Variants in NPM1 observed in about 807,000 individuals in gnomAD.
NPM1 encodes the protein nucleophosmin 1.
Under a neutral mutation model 44.1 loss-of-function variants are expected in NPM1, and 1 was observed. That is an observed-to-expected ratio of 0.02 (90% CI 0.01 to 0.11). The LOEUF (loss-of-function observed/expected upper bound fraction) is 0.11. NPM1 is among the 10% of genes least tolerant of loss of function. The probability of loss-of-function intolerance (pLI) is 1.00; values close to 1 mark genes in which losing one functional copy is unlikely to be tolerated. For synonymous variants in NPM1, 126 were observed against 111.8 expected, an observed-to-expected ratio of 1.13 and a Z score of -0.80; for missense variants, 197 against 347.8, an observed-to-expected ratio of 0.57 and a Z score of 3.45.
At chr5:171,394,991 CA>C (rs1770806509) in intron 6 of NPM1, among the ~76,000 whole-genome samples, 1 of 152,024 alleles carries the variant, frequency 6.6e-6, no homozygotes, top group African/African-American at 2.4e-5. Context: ...CCAGCCTGGC[CA>C]ACATGGTGAA....
intron 10 of NPM1, among the ~76,000 whole-genome samples, chr5:171,410,078 G>A (rs1228441791): frequency 6.6e-6 from 1 of 152,244 alleles, no homozygotes; most frequent in Admixed American, 6.5e-5. Context: ...TTACAGGCGT[G>A]AGCCACCATG....
At position 171,400,357 on chromosome 5, in the gene NPM1, C is replaced by T. The variant is rs1034136865; in HGVS notation, c.582+147C>T. Reference sequence around the variant, plus strand: ...TAGTCCTGAGGAGGATTACAGAAAACTTAAGAGTGGGGAATGGTCTGTTTT... The same window carrying T: ...TAGTCCTGAGGAGGATTACAGAAAATTTAAGAGTGGGGAATGGTCTGTTTT... On this transcript the variant is annotated intron_variant, in intron 7 of 10. Transcript: ENST00000296930. 5.6e-6 allele frequency: 5 copies of T among 898,738 alleles called. No individual in the cohort carries two copies. In the Admixed American group the frequency reaches 8.0e-5, roughly 14 times the overall value. The allele number at this position is 898,738 out of a possible 1,614,324, so 55.7% of individuals were successfully genotyped here. A position where few individuals can be genotyped will look rare whatever the true frequency, so the allele number is the denominator to read the frequency against.
At chr5:171,397,302 T>G (rs1049876520) in intron 6 of NPM1, among the ~76,000 whole-genome samples, 2 of 152,218 alleles carry the variant, frequency 1.3e-5, no homozygotes, top group African/African-American at 2.4e-5. Context: ...AGCATTTGAG[T>G]TGCTTCTACT....
chr5:171,390,566 G>A (rs1056404483), intron 2 of NPM1, among the ~76,000 whole-genome samples: 8 of 152,132 alleles, frequency 5.3e-5, no homozygotes, highest in Non-Finnish European at 1.2e-4. Flanking sequence ...GGACAACATT[G>A]CACAAATTTG....
intron 3 of NPM1, 123 bp from the exon 4 acceptor site, chr5:171,391,583 C>G: frequency 8.8e-7 from 1 of 1,131,842 alleles, no homozygotes. Context: ...GCTTCTGCTG[C>G]TACTTTTATC....
chr5:171,399,999 A>ATT (rs1428839072), intron 6 of NPM1, among the ~76,000 whole-genome samples, 154 bp from the exon 7 acceptor site: 2 of 152,220 alleles, frequency 1.3e-5, no homozygotes, highest in African/African-American at 4.8e-5. Context: ...TCATTTAGTC[A>ATT]TTTAACACTT....
chr5:171,395,804 A>G (rs189034537), intron 6 of NPM1, among the ~76,000 whole-genome samples: 7 of 152,312 alleles, frequency 4.6e-5, no homozygotes, highest in Non-Finnish European at 7.4e-5. Flanking sequence ...TGGAATGGGT[A>G]TATGGTGTGG....
intron 6 of NPM1, among the ~76,000 whole-genome samples, chr5:171,394,870 T>A (rs946102946): frequency 1.9e-4 from 29 of 152,082 alleles, no homozygotes; most frequent in Non-Finnish European, 4.0e-4. Context: ...TTTGGAAGAT[T>A]TCCTTTTTTA....
intron 10 of NPM1, among the ~76,000 whole-genome samples, chr5:171,409,250 T>C (rs1190823843): frequency 2.6e-5 from 4 of 152,214 alleles, no homozygotes; most frequent in Non-Finnish European, 4.4e-5. Flanking sequence ...CTTCCTGTTT[T>C]TGACATAGAG....
intron 8 of NPM1, among the ~76,000 whole-genome samples, chr5:171,402,909 A>G (rs558989474): frequency 1.5e-4 from 22 of 145,420 alleles, no homozygotes; most frequent in African/African-American, 5.4e-4. Context: ...CTGTAAGTCA[A>G]TTAAACCTCT....
intron 7 of NPM1, 100 bp downstream of exon 7, chr5:171,400,310 G>A: frequency 2.0e-6 from 3 of 1,468,012 alleles, no homozygotes; most frequent in Non-Finnish European, 2.8e-6. Flanking sequence ...GCTGGTGTGG[G>A]AGATCATCTC....
chr5:171,391,706 G>A lies in NPM1; in HGVS notation c.259G>A (p.Val87Ile). The change falls in exon 4 of 11, where the codon GTT becomes ATT. Residue 87 changes from valine (V) to isoleucine (I), a missense_variant and splice_region_variant. Transcript: ENST00000296930. ...ATLKMSVQPTVSLGGFEITPP... is the reference protein window; with the variant it reads ...ATLKMSVQPTISLGGFEITPP... ...GTGATGAAAAATTTCTCCCTTCTAG[G>A]TTTCCCTTGGGGGCTTTGAAATAAC... 6.2e-7 allele frequency: 1 copy of A among 1,605,316 alleles called. No homozygotes were observed. The highest frequency in any genetic ancestry group is 8.5e-7 in the Non-Finnish European group (1 of 1,173,786).
rs186959877 is a variant in NPM1 at position 171,408,445 on chromosome 5, G to A, written c.846+671G>A. Among the ~76,000 whole-genome samples the A allele has an allele frequency of 3.9e-5, 6 of 152,294 alleles. No individual in the cohort carries two copies. In the East Asian group the frequency reaches 7.7e-4, roughly 20 times the overall value. ...GCATTTAATGGTCTTTAGGTTTCCT[G>A]TGGTCAGCTTTTTTCAAAAAATTAG... On this transcript the variant is annotated intron_variant, in intron 10 of 10. Transcript: ENST00000296930.
Position 171,405,428 on chromosome 5 carries a change from C to CT in NPM1, c.771+28dup, listed in dbSNP as rs888742851. The CT allele has an allele frequency of 5.8e-6, 6 of 1,038,222 alleles. No homozygotes were observed. The Admixed American group carries it at 1.0e-4, about 17-fold the overall frequency. 64.3% of individuals were successfully genotyped at this position (1,038,222 alleles called of 1,614,324 possible). On this transcript the variant is annotated intron_variant, in intron 9 of 10. Transcript: ENST00000296930. ...AGTGAGTAAAGTTATCTTAAAAAAA[C>CT]TTTGTCTCCCCCCTCAAATTGCACG...
intron 6 of NPM1, among the ~76,000 whole-genome samples, chr5:171,395,323 A>G (rs1770825444): frequency 6.6e-6 from 1 of 150,998 alleles, no homozygotes; most frequent in Non-Finnish European, 1.5e-5. Context: ...TTTTTTCGGC[A>G]AGTCTCGCTC....
intron 10 of NPM1, 40 bp downstream of exon 10, chr5:171,407,814 T>C (rs375813991): frequency 1.6e-6 from 2 of 1,284,566 alleles, no homozygotes; most frequent in Non-Finnish European, 2.3e-6. Context: ...ATCCAAGTTT[T>C]TTTGTGATTT....
At chr5:171,405,994 GTC>G (rs1771540662) in intron 9 of NPM1, among the ~76,000 whole-genome samples, 2 of 152,132 alleles carry the variant, frequency 1.3e-5, no homozygotes, top group East Asian at 1.9e-4. Flanking sequence ...AGAGGGTTAG[GTC>G]TCTCATCTGC....
chr5:171,395,161 C>T lies in NPM1; in HGVS notation c.524+2183C>T, dbSNP rs184527889. Among the ~76,000 whole-genome samples, 490 of 152,256 alleles carry T rather than the reference C, an allele frequency of 3.2e-3. 2 individuals are homozygous for T. The highest frequency in any genetic ancestry group is 5.1e-3 in the Admixed American group (78 of 15,294). ...CGCCACCGTGTTCCATCCTGGGCAA[C>T]AGAGGGAGACTCCCATCTCAGAAAA... is the stretch of plus-strand genomic sequence containing the variant. On this transcript the variant is annotated intron_variant, in intron 6 of 10. Coordinates refer to ENST00000296930, the MANE Select transcript of NPM1 (RefSeq NM_002520.7).
At position 171,392,736 on chromosome 5, in the gene NPM1, G is replaced by A. The variant is rs1308264050; in HGVS notation, c.379G>A (p.Asp127Asn). 5.0e-6 allele frequency: 8 copies of A among 1,612,648 alleles called. No homozygotes were observed. The highest frequency in any genetic ancestry group is 1.7e-5 in the Admixed American group (1 of 59,954). ...TGTGGAGGAAGATGCAGAGTCAGAA[G>A]ATGAAGAGGAGGAGGATGTGAAACT... is the stretch of plus-strand genomic sequence containing the variant. ...VAVEEDAESE[D>N]EEEEDVKLLS... Residue 127 changes from aspartate to asparagine, a missense_variant, in exon 5 of 11, where the codon GAT becomes AAT. Around this residue, in one of 5 missense-constraint regions of NPM1, gnomAD observed 91 missense variants for 94.0 expected, o/e 0.97. Transcript: ENST00000296930.
Sources: gnomAD v4.1 joint callset for allele counts (sites outside exome capture counted in the v4.1 genomes callset) on GRCh38, gnomAD v4.1.1 for gene constraint, gnomAD v4.1.1 regional missense constraint, MANE v1.5 for transcripts, NCBI Gene and HGNC (gene_info 2026-07-23, HGNC 2026-07-21) for gene names.